The following SAMD5 variants were observed in gnomAD, a reference collection of about 807,000 sequenced individuals.
SAMD5 encodes the protein sterile alpha motif domain-containing protein 5.
A neutral mutation model predicts 11.3 loss-of-function variants in SAMD5; 13 were observed. The ratio of observed to expected loss-of-function variants is 1.15; its 90% CI spans 0.75 to 1.83. The LOEUF (loss-of-function observed/expected upper bound fraction) is 1.83. Ranked by LOEUF, SAMD5 falls within the 40% of genes most tolerant of loss-of-function variation. SAMD5 has a pLI of 0.00. For missense variants in SAMD5, 255 were observed against 239.1 expected (o/e 1.07, Z -0.44); for synonymous variants, 129 against 111.3 (o/e 1.16, Z -1.00).
intron 1 of SAMD5, among the ~76,000 whole-genome samples, chr6:147,714,258 C>G (rs1362221661): frequency 6.6e-6 from 1 of 152,162 alleles, no homozygotes; most frequent in Non-Finnish European, 1.5e-5. Flanking sequence ...AACTGCCTGG[C>G]TGGCAACACT....
chr6:147,656,732 A>C (rs1790573448), intron 1 of SAMD5, among the ~76,000 whole-genome samples: 1 of 152,182 alleles, frequency 6.6e-6, no homozygotes, highest in African/African-American at 2.4e-5. Context: ...AGAGGATGTA[A>C]GGAAATAGGA....
the SAMD5 span, among the ~76,000 whole-genome samples, chr6:147,819,134 A>G: frequency 6.6e-6 from 1 of 152,240 alleles, no homozygotes; most frequent in Non-Finnish European, 1.5e-5. Context: ...ACACCATGGG[A>G]TACTATGCAG....
intron 1 of SAMD5, among the ~76,000 whole-genome samples, chr6:147,577,870 G>A (rs2128445942): frequency 6.6e-6 from 1 of 152,152 alleles, no homozygotes; most frequent in Admixed American, 6.5e-5. Context: ...TAAATCTAGT[G>A]TATAGTATTT....
At chr6:147,578,682 C>T (rs1789252432) in intron 1 of SAMD5, among the ~76,000 whole-genome samples, 1 of 151,816 alleles carries the variant, frequency 6.6e-6, no homozygotes, top group Non-Finnish European at 1.5e-5. Context: ...GCCTAAAAAA[C>T]AATTTGGTGT....
At chr6:147,746,818 A>G in the SAMD5 span, among the ~76,000 whole-genome samples, 2 of 152,232 alleles carry the variant, frequency 1.3e-5, no homozygotes, top group Admixed American at 6.5e-5. Flanking sequence ...TCGAACGTAA[A>G]GCAGGGGTCA....
the SAMD5 span, among the ~76,000 whole-genome samples, chr6:147,924,564 C>T: frequency 6.6e-6 from 1 of 151,870 alleles, no homozygotes; most frequent in Admixed American, 6.6e-5. Context: ...CCTTTATTAA[C>T]TTGAACTAGC....
chr6:147,759,087 C>G, the SAMD5 span, among the ~76,000 whole-genome samples: 1 of 152,160 alleles, frequency 6.6e-6, no homozygotes, highest in African/African-American at 2.4e-5. Context: ...ATGCATATTG[C>G]TAATTGTCAT....
the SAMD5 span, among the ~76,000 whole-genome samples, chr6:147,896,366 G>A: frequency 6.6e-6 from 1 of 151,966 alleles, no homozygotes; most frequent in Non-Finnish European, 1.5e-5. Context: ...CTGAGCTGGG[G>A]CTGGGGCTGG....
At chr6:147,724,556 A>G (rs191449009) in intron 1 of SAMD5, among the ~76,000 whole-genome samples, 5 of 152,270 alleles carry the variant, frequency 3.3e-5, no homozygotes, top group Admixed American at 3.3e-4. Flanking sequence ...TTTCTTGCCA[A>G]TATTAAAAAG....
At chr6:147,797,970 T>C in the SAMD5 span, among the ~76,000 whole-genome samples, 2 of 151,648 alleles carry the variant, frequency 1.3e-5, no homozygotes, top group Non-Finnish European at 2.9e-5. Flanking sequence ...TTTTCTTTAT[T>C]AGTCTTGCTA....
At chr6:147,903,648 G>A in the SAMD5 span, among the ~76,000 whole-genome samples, 4 of 152,238 alleles carry the variant, frequency 2.6e-5, no homozygotes, top group South Asian at 2.1e-4. Flanking sequence ...GGTGGCTCAC[G>A]GCTATAATCC....
the SAMD5 span, among the ~76,000 whole-genome samples, chr6:147,863,838 CTTTT>C: frequency 2.2e-5 from 2 of 90,874 alleles, no homozygotes; most frequent in African/African-American, 3.9e-5. Context: ...TTTCTTTCCA[CTTTT>C]TTTTTTTTTT....
chr6:147,603,913 T>G (rs373225415), intron 1 of SAMD5, among the ~76,000 whole-genome samples: 290 of 152,322 alleles, frequency 1.9e-3, no homozygotes, highest in African/African-American at 6.6e-3. Flanking sequence ...TCTGTATGCT[T>G]CTAGCTTTCG....
intron 1 of SAMD5, among the ~76,000 whole-genome samples, chr6:147,513,703 C>G (rs1271639424): frequency 6.6e-6 from 1 of 152,004 alleles, no homozygotes; most frequent in Admixed American, 6.5e-5. Flanking sequence ...AAGGTAAGCT[C>G]TAGGGTCAAT....
At chr6:147,534,253 G>A (rs945113958) in intron 1 of SAMD5, among the ~76,000 whole-genome samples, 2 of 152,240 alleles carry the variant, frequency 1.3e-5, no homozygotes, top group African/African-American at 4.8e-5. Context: ...GAGAGCACTT[G>A]TAGAGACATG....
In SAMD5 at chr6:147,566,428, G is replaced by A. The variant is rs557879018; in HGVS notation, c.*1972G>A. On this transcript the variant is annotated 3_prime_UTR_variant, in exon 2 of 2. Coordinates refer to ENST00000367474, the MANE Select transcript of SAMD5 (RefSeq NM_001030060.3). ...CTGTTTGACCTCATTTCCAGGTGTCGCATCCGTGGCTGATTTATTTCACAG... is the reference window on the plus strand; with the variant it reads ...CTGTTTGACCTCATTTCCAGGTGTCACATCCGTGGCTGATTTATTTCACAG... 13 of 984,240 alleles carry A rather than the reference G, an allele frequency of 1.3e-5. No individual in the cohort carries two copies. In the East Asian group the frequency reaches 4.6e-4, roughly 34 times the overall value. 61.0% of individuals were successfully genotyped at this position (984,240 alleles called of 1,614,324 possible). A position where few individuals can be genotyped will look rare whatever the true frequency, so the allele number is the denominator to read the frequency against.
At chr6:147,687,590 G>GA (rs748303635) in intron 1 of SAMD5, among the ~76,000 whole-genome samples, 1 of 152,092 alleles carries the variant, frequency 6.6e-6, no homozygotes, top group Non-Finnish European at 1.5e-5. Context: ...CCTGACTGAG[G>GA]AAGAACCATT....
chr6:147,878,603 ATC>A, the SAMD5 span, among the ~76,000 whole-genome samples: 4 of 146,690 alleles, frequency 2.7e-5, no homozygotes, highest in East Asian at 2.0e-4. Context: ...ATACATATAT[ATC>A]TATATAGATA....
intron 1 of SAMD5, among the ~76,000 whole-genome samples, chr6:147,636,569 G>C (rs1428123288): frequency 6.6e-6 from 1 of 152,100 alleles, no homozygotes; most frequent in East Asian, 1.9e-4. Context: ...ATCTGTTGTT[G>C]GATTGCTGCA....
Sources: gnomAD v4.1 joint callset for allele counts (sites outside exome capture counted in the v4.1 genomes callset) on GRCh38, gnomAD v4.1.1 for gene constraint, MANE v1.5 for transcripts, NCBI Gene and HGNC (gene_info 2026-07-23, HGNC 2026-07-21) for gene names.